Variants in TRPM3 observed in about 807,000 individuals in gnomAD.
TRPM3 encodes long transient receptor potential channel 3.
TRPM3 carries 77 observed loss-of-function variants against 181.2 expected under a neutral mutation model. The observed-to-expected ratio is 0.42, with a 90% CI of 0.35 to 0.51. The LOEUF (loss-of-function observed/expected upper bound fraction) is 0.51. Ranked by LOEUF, TRPM3 falls within the 20% of genes least tolerant of loss-of-function variation. The pLI is 0.01. For synonymous variants in TRPM3, 745 were observed against 796.4 expected (o/e 0.94, Z 1.09); for missense variants, 1,759 against 2,196.7 (o/e 0.80, Z 3.98).
chr9:70,811,554 C>T (rs2092043387), intron 6 of TRPM3, among the ~76,000 whole-genome samples: 1 of 152,136 alleles, frequency 6.6e-6, no homozygotes, highest in South Asian at 2.1e-4. Flanking sequence ...CTGTTAAGTG[C>T]TTGTACTGAT....
intron 1 of TRPM3, among the ~76,000 whole-genome samples, chr9:71,399,892 C>A (rs1392427239): frequency 6.6e-6 from 1 of 151,896 alleles, no homozygotes; most frequent in Non-Finnish European, 1.5e-5. Context: ...TATTCTTTTT[C>A]TTGAATATGA....
intron 1 of TRPM3, among the ~76,000 whole-genome samples, chr9:70,892,601 G>T (rs564844046): frequency 1.6e-5 from 2 of 123,416 alleles, no homozygotes. Context: ...AAATTTACCC[G>T]TTTGACCTCA....
At chr9:70,843,571 G>A (rs1349409857) in intron 4 of TRPM3, among the ~76,000 whole-genome samples, 1 of 152,154 alleles carries the variant, frequency 6.6e-6, no homozygotes, top group African/African-American at 2.4e-5. Flanking sequence ...TCAAAGACAT[G>A]AGCTATTTAG....
chr9:70,574,808 G>T (rs2132234664), intron 22 of TRPM3, among the ~76,000 whole-genome samples: 1 of 152,272 alleles, frequency 6.6e-6, no homozygotes, highest in South Asian at 2.1e-4. Context: ...ACACAATCAT[G>T]GTTTTTCATG....
At chr9:70,852,972 G>A (rs1185064217) in intron 3 of TRPM3, among the ~76,000 whole-genome samples, 1 of 152,014 alleles carries the variant, frequency 6.6e-6, no homozygotes, top group East Asian at 1.9e-4. Context: ...ATTTTTTTCT[G>A]GTTGTTTTTC....
At chr9:70,755,823 G>C (rs1587900272) in intron 8 of TRPM3, among the ~76,000 whole-genome samples, 1 of 152,140 alleles carries the variant, frequency 6.6e-6, no homozygotes, top group African/African-American at 2.4e-5. Context: ...CCTGAAGGAG[G>C]CGCTAAATAT....
At chr9:70,985,912 A>G (rs1268168988) in intron 1 of TRPM3, among the ~76,000 whole-genome samples, 3 of 152,222 alleles carry the variant, frequency 2.0e-5, no homozygotes, top group African/African-American at 7.2e-5. Context: ...ATTTAAAACA[A>G]AAATAAAGTC....
intron 6 of TRPM3, among the ~76,000 whole-genome samples, chr9:70,805,534 GAAAAAAAAA>G (rs534322844): frequency 9.7e-5 from 8 of 82,696 alleles, no homozygotes; most frequent in Non-Finnish European, 1.7e-4. Flanking sequence ...ACTCCATCTC[GAAAAAAAAA>G]AAAAAAAAAA....
intron 1 of TRPM3, among the ~76,000 whole-genome samples, chr9:71,297,772 G>A (rs955301469): frequency 6.6e-6 from 1 of 152,124 alleles, no homozygotes; most frequent in Admixed American, 6.6e-5. Context: ...AGTTGCCCCA[G>A]GTCTCATGGC....
At chr9:71,136,580 G>T (rs540870968) in intron 1 of TRPM3, among the ~76,000 whole-genome samples, 1 of 152,256 alleles carries the variant, frequency 6.6e-6, no homozygotes, top group South Asian at 2.1e-4. Context: ...TGGTATTTTG[G>T]TGTGTCTAAG....
At chr9:71,176,154 T>C (rs2077097375) in intron 1 of TRPM3, among the ~76,000 whole-genome samples, 1 of 152,182 alleles carries the variant, frequency 6.6e-6, no homozygotes, top group Non-Finnish European at 1.5e-5. Context: ...CTTCTACTTA[T>C]TTTAAAAATG....
chr9:70,552,464 A>G (rs922439500), intron 24 of TRPM3, among the ~76,000 whole-genome samples: 3 of 152,182 alleles, frequency 2.0e-5, no homozygotes, highest in Admixed American at 6.5e-5. Context: ...TAGGTCCAGA[A>G]GTTATTGCTT....
intron 4 of TRPM3, among the ~76,000 whole-genome samples, chr9:70,843,617 G>A (rs11142615): frequency 0.076 from 11,599 of 152,100 alleles, 699 homozygotes; most frequent in East Asian, 0.27. Context: ...GAACCTACTC[G>A]TAAAGACAAT....
At chr9:70,840,029 CT>C (rs1425545298) in intron 5 of TRPM3, among the ~76,000 whole-genome samples, 1 of 152,130 alleles carries the variant, frequency 6.6e-6, no homozygotes, top group African/African-American at 2.4e-5. Context: ...GGAATCTTCA[CT>C]AATGACCACC....
intron 6 of TRPM3, among the ~76,000 whole-genome samples, chr9:70,814,557 T>C (rs905308016): frequency 6.6e-6 from 1 of 152,192 alleles, no homozygotes; most frequent in African/African-American, 2.4e-5. Context: ...AAGCATCAAA[T>C]GTATTACATT....
rs146289698 is a variant in TRPM3 at position 71,407,338 on chromosome 9, A to C, written c.183+39315T>G. 8.3e-3 allele frequency among the ~76,000 whole-genome samples: 1,264 copies of C among 152,302 alleles called. 13 individuals are homozygous for C. Among genetic ancestry groups the C allele is most frequent in the African/African-American group, 0.028 (1,183 of 41,566 alleles). ...CCTTACCTAGCCAAGGGAAGCCATG[A>C]CAGCTGGTACCTGGAAAACCAGGAT... On this transcript the variant is annotated intron_variant, in intron 1 of 24. Transcript: ENST00000357533.
chr9:70,926,181 C>T (rs2096719754), intron 1 of TRPM3, among the ~76,000 whole-genome samples: 1 of 152,040 alleles, frequency 6.6e-6, no homozygotes, highest in South Asian at 2.1e-4. Context: ...TAGTTGTCCT[C>T]TCAAATTTGT....
intron 25 of TRPM3, among the ~76,000 whole-genome samples, chr9:70,539,174 T>A (rs1318983247): frequency 6.6e-6 from 1 of 152,232 alleles, no homozygotes; most frequent in African/African-American, 2.4e-5. Flanking sequence ...GCTGGGCCCC[T>A]GCAGTCTGTG....
At chr9:71,393,299 A>G (rs2132963806) in intron 1 of TRPM3, among the ~76,000 whole-genome samples, 1 of 152,340 alleles carries the variant, frequency 6.6e-6, no homozygotes, top group South Asian at 2.1e-4. Context: ...GATTTTGAAT[A>G]GCACAGCATA....
Sources: gnomAD v4.1 joint callset for allele counts (sites outside exome capture counted in the v4.1 genomes callset) on GRCh38, gnomAD v4.1.1 for gene constraint, MANE v1.5 for transcripts, NCBI Gene and HGNC (gene_info 2026-07-23, HGNC 2026-07-21) for gene names.